The following TEX15 variants were observed in gnomAD, a reference collection of about 807,000 sequenced individuals.
The protein encoded by TEX15 is testis expressed 15, meiosis and synapsis associated.
Under a neutral mutation model 237.3 loss-of-function variants are expected in TEX15, and 171 were observed. That is an observed-to-expected ratio of 0.72 (90% CI 0.64 to 0.82). The LOEUF is 0.82. Among genes scored for constraint, TEX15 ranks in the 40% least tolerant of loss-of-function variants. The pLI, the probability that TEX15 is intolerant of heterozygous loss-of-function variation, is 0.00. For synonymous variants in TEX15, 1,338 were observed against 1,269.8 expected, an observed-to-expected ratio of 1.05 and a Z score of -1.14; for missense variants, 3,750 against 3,646.5, an observed-to-expected ratio of 1.03 and a Z score of -0.73.
chr8:30,904,438 C>T (rs1367094638), intron 1 of TEX15, among the ~76,000 whole-genome samples: 1 of 128,770 alleles, frequency 7.8e-6, no homozygotes. Flanking sequence ...CAGAGTGAGA[C>T]TCCGTCTCAA....
At position 30,846,108 on chromosome 8, in the gene TEX15, T is replaced by C. The variant is rs534898711; in HGVS notation, c.4059A>G (p.Ser1353=). 5.0e-6 allele frequency: 8 copies of C among 1,613,558 alleles called. No individual in the cohort carries two copies. In the African/African-American group the frequency reaches 1.1e-4, roughly 22 times the overall value. ...SQGRIKTFSQ[S]EKHIKSVLNI... Reference sequence around the variant, plus strand: ...TTAGGACACTCTTAATGTGCTTTTCTGACTGTGAAAATGTTTTAATTCGTC... The same window carrying C: ...TTAGGACACTCTTAATGTGCTTTTCCGACTGTGAAAATGTTTTAATTCGTC... The change falls in exon 8 of 11, where the codon TCA becomes TCG. Residue 1353 remains serine (S), a synonymous_variant. Coordinates refer to ENST00000643185, the MANE Select transcript of TEX15 (RefSeq NM_001350162.2).
Position 30,858,779 on chromosome 8 carries a change from G to GCC in TEX15, c.737_738dup (p.Gln247GlyfsTer8). ...GTTACTACAGCATATGGAAGACATT[G>GCC]CCTAGGTTTATCTACAGGCTTTGAA... On this transcript the variant is annotated frameshift_variant, in exon 7 of 11. Coordinates refer to ENST00000643185, the MANE Select transcript of TEX15 (RefSeq NM_001350162.2). LOFTEE classifies it high-confidence loss of function. The GCC allele has an allele frequency of 6.5e-7, 1 of 1,535,448 alleles. No homozygotes were observed. Among genetic ancestry groups the GCC allele is most frequent in the Non-Finnish European group, 8.7e-7 (1 of 1,146,480 alleles).
At chr8:30,838,134 T>C (rs1042530486) in intron 9 of TEX15, 73 bp from the exon 10 acceptor site, 2 of 1,304,418 alleles carry the variant, frequency 1.5e-6, no homozygotes, top group Non-Finnish European at 2.1e-6. Flanking sequence ...GAAATATATA[T>C]TTGAAATTTT....
chr8:30,897,217 G>A (rs1808923352), intron 2 of TEX15, among the ~76,000 whole-genome samples: 2 of 152,134 alleles, frequency 1.3e-5, no homozygotes, highest in African/African-American at 2.4e-5. Context: ...CCTCATTTGT[G>A]TTTTGGTAAG....
At chr8:30,836,656 A>G in intron 10 of TEX15, 147 bp downstream of exon 10, 1 of 735,490 alleles carries the variant, frequency 1.4e-6, no homozygotes, top group Non-Finnish European at 2.2e-6. Flanking sequence ...CTCTCTGCCC[A>G]ATCCATTGGC....
intron 7 of TEX15, among the ~76,000 whole-genome samples, chr8:30,852,418 TC>T (rs539064354): frequency 8.6e-4 from 131 of 152,256 alleles, no homozygotes; most frequent in African/African-American, 3.0e-3. Context: ...TAATAACATT[TC>T]CATTTTACTG....
intron 2 of TEX15, chr8:30,887,888 T>G (rs1409635318): frequency 1.2e-5 from 1 of 81,470 alleles, no homozygotes; most frequent in Non-Finnish European, 2.6e-5. Context: ...CATATATATT[T>G]CATATATATA....
intron 1 of TEX15, among the ~76,000 whole-genome samples, chr8:30,901,324 T>A (rs1186641571): frequency 6.6e-6 from 1 of 152,170 alleles, no homozygotes; most frequent in East Asian, 1.9e-4. Flanking sequence ...AATACAAGAA[T>A]TCTGTATTGA....
chr8:30,859,993 G>A lies in TEX15; in HGVS notation c.605C>T (p.Pro202Leu). The A allele has an allele frequency of 1.3e-6, 2 of 1,514,616 alleles. No individual in the cohort carries two copies. The highest frequency in any genetic ancestry group is 1.8e-6 in the Non-Finnish European group (2 of 1,139,118). 93.8% of individuals were successfully genotyped at this position (1,514,616 alleles called of 1,614,324 possible). A position where few individuals can be genotyped will look rare whatever the true frequency, so the allele number is the denominator to read the frequency against. The change falls in exon 6 of 11, where the codon CCT (proline) becomes CTT (leucine). Residue 202 changes from proline (P) to leucine (L), a missense_variant. Transcript: ENST00000643185. Reference protein sequence around the residue: ...SVDKNKVSLDPSPNFDCHMSR... With the variant: ...SVDKNKVSLDLSPNFDCHMSR... Reference sequence around the variant, plus strand: ...CATATGGCAATCAAAGTTAGGAGAAGGATCCAAAGAAACTTTATTTTTATC... The same window carrying A: ...CATATGGCAATCAAAGTTAGGAGAAAGATCCAAAGAAACTTTATTTTTATC...
intron 2 of TEX15, among the ~76,000 whole-genome samples, chr8:30,893,296 C>G (rs1444540365): frequency 6.6e-6 from 1 of 152,224 alleles, no homozygotes; most frequent in Non-Finnish European, 1.5e-5. Flanking sequence ...AGTGAATGCA[C>G]TCAATCACGA....
At chr8:30,834,630 AAGT>A (rs1807251403) in intron 10 of TEX15, among the ~76,000 whole-genome samples, 1 of 152,168 alleles carries the variant, frequency 6.6e-6, no homozygotes, top group South Asian at 2.1e-4. Context: ...AGCACACAAA[AAGT>A]ACTACAGAAG....
intron 4 of TEX15, among the ~76,000 whole-genome samples, chr8:30,867,862 G>A (rs1240473171): frequency 6.6e-6 from 1 of 152,048 alleles, no homozygotes; most frequent in Non-Finnish European, 1.5e-5. Context: ...TTTTTAAAAT[G>A]AGGAAAATGA....
At position 30,846,247 on chromosome 8, in the gene TEX15, G is replaced by A. The variant is rs760461233; in HGVS notation, c.3920C>T (p.Ser1307Phe). 4.3e-6 allele frequency: 7 copies of A among 1,613,492 alleles called. No homozygotes were observed. In the South Asian group the frequency reaches 6.6e-5, roughly 15 times the overall value. Reference protein sequence around the residue: ...SRISKRKLHISSRDQNIPHKD... With the variant: ...SRISKRKLHIFSRDQNIPHKD... Reference sequence around the variant, plus strand: ...ATGTGGTATGTTCTGATCCCTGGAAGATATATGTAGCTTCCTTTTGCTAAT... The same window carrying A: ...ATGTGGTATGTTCTGATCCCTGGAAAATATATGTAGCTTCCTTTTGCTAAT... The change falls in exon 8 of 11, where the codon TCT (serine) becomes TTT (phenylalanine). Residue 1307 changes from serine to phenylalanine, a missense_variant. Coordinates refer to ENST00000643185, the MANE Select transcript of TEX15 (RefSeq NM_001350162.2).
chr8:30,847,440 A>G lies in TEX15; in HGVS notation c.2727T>C (p.Asn909=). ...ATTCTTCAGAACTCAAAATTTCTATATTGTGGTAATTTTTGTCCTCCTTTT... is the reference window on the plus strand; with the variant it reads ...ATTCTTCAGAACTCAAAATTTCTATGTTGTGGTAATTTTTGTCCTCCTTTT... The part of the protein sequence containing the change: ...IDEKEDKNYH[N]IEILSSEEFS... The change falls in exon 8 of 11, where the codon AAT becomes AAC. Residue 909 remains asparagine (N), a synonymous_variant. Coordinates refer to ENST00000643185, the MANE Select transcript of TEX15 (RefSeq NM_001350162.2). The G allele has an allele frequency of 6.2e-7, 1 of 1,611,004 alleles. No individual in the cohort carries two copies. Among genetic ancestry groups the G allele is most frequent in the Non-Finnish European group, 8.5e-7 (1 of 1,179,338 alleles).
In TEX15 at chr8:30,843,635, C is replaced by T; in HGVS notation, c.6532G>A (p.Ala2178Thr). 6.2e-7 allele frequency: 1 copy of T among 1,612,754 alleles called. No individual in the cohort carries two copies. Among genetic ancestry groups the T allele is most frequent in the Non-Finnish European group, 8.5e-7 (1 of 1,179,666 alleles). The change falls in exon 8 of 11, where the codon GCC (alanine) becomes ACC (threonine). Residue 2178 changes from alanine (A) to threonine (T), a missense_variant. Ala to Thr is a moderately conservative substitution (Grantham distance 58). Transcript: ENST00000643185. The part of the protein sequence containing the change: ...KYKRQVNECE[A>T]IMEHCSDCFD... ...CAATCGGAACAATGCTCCATTATGG[C>T]TTCACATTCATTAACCTGTCGTTTG...
chr8:30,896,111 TG>T (rs1444807690), intron 2 of TEX15, among the ~76,000 whole-genome samples: 1 of 152,184 alleles, frequency 6.6e-6, no homozygotes. Flanking sequence ...CTGGAACATC[TG>T]GAATGCCTAA....
At chr8:30,900,824 T>A (rs569125469) in intron 1 of TEX15, among the ~76,000 whole-genome samples, 3 of 152,366 alleles carry the variant, frequency 2.0e-5, no homozygotes, top group African/African-American at 7.2e-5. Context: ...GGTACTGATT[T>A]GGTAAACCTT....
At chr8:30,841,969 A>G (rs1344398870) in intron 8 of TEX15, 35 bp downstream of exon 8, 2 of 1,424,244 alleles carry the variant, frequency 1.4e-6, no homozygotes, top group Non-Finnish European at 1.9e-6. Flanking sequence ...TTCAAAAAGA[A>G]TACTTATAAA....
At chr8:30,910,816 A>G (rs1809200750) in intron 1 of TEX15, among the ~76,000 whole-genome samples, 1 of 151,856 alleles carries the variant, frequency 6.6e-6, no homozygotes, top group Non-Finnish European at 1.5e-5. Flanking sequence ...TCAAATTTTG[A>G]CATCTTTATG....
Sources: gnomAD v4.1 joint callset for allele counts (sites outside exome capture counted in the v4.1 genomes callset) on GRCh38, gnomAD v4.1.1 for gene constraint, MANE v1.5 for transcripts, NCBI Gene and HGNC (gene_info 2026-07-23, HGNC 2026-07-21) for gene names.